Variants in IPO7 observed in about 807,000 individuals in gnomAD.
The protein encoded by IPO7 is importin 7, also known as importin-7.
A neutral mutation model predicts 136.4 loss-of-function variants in IPO7; 13 were observed. The ratio of observed to expected loss-of-function variants is 0.10; its 90% confidence interval spans 0.06 to 0.15. IPO7 has a LOEUF of 0.15. IPO7 is among the 10% of genes least tolerant of loss of function. The pLI, the probability that IPO7 is intolerant of heterozygous loss-of-function variation, is 1.00. For missense variants in IPO7, 857 were observed against 1,240.6 expected (o/e 0.69, Z 4.65); for synonymous variants, 403 against 404.4 (o/e 1.00, Z 0.04).
At chr11:9,425,608 GCTCACGC>G (rs1855192898) in intron 12 of IPO7, among the ~76,000 whole-genome samples, 2 of 152,084 alleles carry the variant, frequency 1.3e-5, no homozygotes, top group African/African-American at 4.8e-5. Flanking sequence ...GGGCGTGATG[GCTCACGC>G]CTGTAATCCC....
chr11:9,437,398 G>T (rs535561949), intron 20 of IPO7, among the ~76,000 whole-genome samples: 2 of 145,444 alleles, frequency 1.4e-5, no homozygotes, highest in African/African-American at 4.9e-5. Flanking sequence ...GGGACTACAG[G>T]CACCCGCCAC....
chr11:9,444,836 C>CAA (rs1044435694), intron 24 of IPO7, among the ~76,000 whole-genome samples: 80 of 70,938 alleles, frequency 1.1e-3, no homozygotes, highest in African/African-American at 2.5e-3. Context: ...GACTCTGTCT[C>CAA]AAAAAAAAAA....
Position 9,423,070 on chromosome 11 carries a change from A to G in IPO7, c.971A>G (p.Gln324Arg), listed in dbSNP as rs1855156769. ...TATATGGCTCCTCGAGTTTTACAACAGACATTAAATTATATTAATCAAGGA... is the reference window on the plus strand; with the variant it reads ...TATATGGCTCCTCGAGTTTTACAACGGACATTAAATTATATTAATCAAGGA... ...KQYMAPRVLQ[Q>R]TLNYINQGVS... Residue 324 changes from glutamine to arginine, a missense_variant, in exon 9 of 25, where the codon CAG (glutamine) becomes CGG (arginine). By Grantham distance (43) the Gln-to-Arg change is conservative. Around this residue, in one of 11 missense-constraint regions of IPO7, gnomAD observed 127 missense variants for 222.4 expected, o/e 0.57. Transcript: ENST00000379719. 1 of 1,596,326 alleles carries G rather than the reference A, an allele frequency of 6.3e-7. No homozygotes were observed. The highest frequency in any genetic ancestry group is 8.6e-7 in the Non-Finnish European group (1 of 1,165,266).
chr11:9,438,017 A>G (rs1376680221), intron 21 of IPO7, 43 bp downstream of exon 21: 2 of 1,561,378 alleles, frequency 1.3e-6, no homozygotes, highest in Non-Finnish European at 1.7e-6. Context: ...CTTTGGGAGG[A>G]ACTCTGCTTA....
intron 13 of IPO7, 57 bp downstream of exon 13, chr11:9,428,686 G>A (rs1855247808): frequency 1.1e-6 from 1 of 936,420 alleles, no homozygotes; most frequent in Admixed American, 1.8e-5. Flanking sequence ...ATGACTCTGT[G>A]GACTTTTATA....
At position 9,437,819 on chromosome 11, in the gene IPO7, T is replaced by C. The variant is rs1855401134; in HGVS notation, c.2334T>C (p.Leu778=). The C allele has an allele frequency of 6.2e-7, 1 of 1,614,018 alleles. No individual in the cohort carries two copies. Among genetic ancestry groups the C allele is most frequent in the African/African-American group, 1.3e-5 (1 of 74,946 alleles). Residue 778 remains leucine (L), a synonymous_variant, in exon 21 of 25, where the codon CTT becomes CTC. Transcript: ENST00000379719. ...CAAGAGAGGTTAAGACAAGTGAACT[T>C]CGAACTATGTGTCTGCAAGTTGCAA... is the stretch of plus-strand genomic sequence containing the variant. ...RLTREVKTSE[L]RTMCLQVAIA...
intron 1 of IPO7, among the ~76,000 whole-genome samples, chr11:9,398,390 G>C (rs996337970): frequency 6.6e-6 from 1 of 152,180 alleles, no homozygotes; most frequent in South Asian, 2.1e-4. Flanking sequence ...GGTTATGAGA[G>C]CAATAGGGAG....
intron 1 of IPO7, among the ~76,000 whole-genome samples, chr11:9,401,010 G>A (rs1163643488): frequency 2.0e-5 from 3 of 151,598 alleles, no homozygotes; most frequent in African/African-American, 4.8e-5. Context: ...GGCAAAACCC[G>A]TCTCTACTAA....
intron 4 of IPO7, among the ~76,000 whole-genome samples, chr11:9,413,043 C>A (rs1854990059): frequency 6.6e-6 from 1 of 151,922 alleles, no homozygotes; most frequent in African/African-American, 2.4e-5. Context: ...CCACGCCCAG[C>A]TAATTTTTTG....
Position 9,437,768 on chromosome 11 carries a change from C to T in IPO7, c.2283C>T (p.Phe761=), listed in dbSNP as rs375427361. Residue 761 remains phenylalanine, a synonymous_variant, in exon 21 of 25, where the codon TTC becomes TTT. Transcript: ENST00000379719. ...GRGIDQCIPL[F]VEAALERLTR... ...TTTTTTTGTAGTGCATTCCCTTATT[C>T]GTGGAAGCAGCCTTAGAAAGACTGA... The T allele has an allele frequency of 1.8e-5, 29 of 1,612,238 alleles. No homozygotes were observed. Among genetic ancestry groups the T allele is most frequent in the South Asian group, 3.3e-5 (3 of 90,980 alleles).
chr11:9,441,960 A>G (rs2133768035), intron 23 of IPO7, 121 bp from the exon 24 acceptor site: 1 of 509,870 alleles, frequency 2.0e-6, no homozygotes, highest in Non-Finnish European at 3.6e-6. Context: ...TTATTGGGAG[A>G]ATATAAAATA....
intron 4 of IPO7, among the ~76,000 whole-genome samples, chr11:9,413,326 A>C (rs1002424476): frequency 1.3e-4 from 20 of 152,102 alleles, no homozygotes; most frequent in African/African-American, 4.8e-4. Flanking sequence ...AGAAGAACTT[A>C]CGGTTTATGA....
chr11:9,407,279 A>G (rs1288016219), intron 2 of IPO7, among the ~76,000 whole-genome samples: 2 of 151,984 alleles, frequency 1.3e-5, no homozygotes, highest in African/African-American at 4.8e-5. Flanking sequence ...AGTTTATTTT[A>G]AAACCTTGGC....
At chr11:9,426,308 G>A (rs1444904228) in intron 12 of IPO7, among the ~76,000 whole-genome samples, 1 of 152,100 alleles carries the variant, frequency 6.6e-6, no homozygotes, top group Non-Finnish European at 1.5e-5. Flanking sequence ...CTTTCATTTA[G>A]TGTAATGTTT....
chr11:9,433,303 AGTT>A (rs985602262), intron 16 of IPO7: 27 of 419,812 alleles, frequency 6.4e-5, no homozygotes, highest in African/African-American at 3.6e-4. Flanking sequence ...TTATTTTCAT[AGTT>A]GTTTGCATTT....
At chr11:9,443,499 G>C (rs1855486194) in intron 24 of IPO7, among the ~76,000 whole-genome samples, 1 of 151,484 alleles carries the variant, frequency 6.6e-6, no homozygotes, top group East Asian at 1.9e-4. Context: ...GCTGAGGCAG[G>C]AGAATTGCTT....
At chr11:9,398,105 C>T (rs1486486680) in intron 1 of IPO7, among the ~76,000 whole-genome samples, 2 of 152,168 alleles carry the variant, frequency 1.3e-5, no homozygotes, top group African/African-American at 2.4e-5. Context: ...CCTTTGGGCT[C>T]ATCTGTCTGT....
chr11:9,443,252 A>T (rs940875557), intron 24 of IPO7, among the ~76,000 whole-genome samples: 9 of 151,868 alleles, frequency 5.9e-5, no homozygotes, highest in Non-Finnish European at 1.0e-4. Flanking sequence ...GTTTGCAATA[A>T]CTTTAGCTCA....
rs77951189 is a variant in IPO7, at chr11:9,430,157, G to T, written c.1752+323G>T. Among the ~76,000 whole-genome samples, 1,309 of 152,206 alleles carry T rather than the reference G, an allele frequency of 8.6e-3. 5 individuals carry two copies. Among genetic ancestry groups the T allele is most frequent in the Middle Eastern group, 0.031 (9 of 294 alleles). ...CTCACTCACCTACCACTTATCTACT[G>T]CTCCTAACAGGCCATGGACCGGTAC... On this transcript the variant is annotated intron_variant, in intron 15 of 24. Coordinates refer to ENST00000379719, the MANE Select transcript of IPO7 (RefSeq NM_006391.3).
Sources: gnomAD v4.1 joint callset for allele counts (sites outside exome capture counted in the v4.1 genomes callset) on GRCh38, gnomAD v4.1.1 for gene constraint, gnomAD v4.1.1 regional missense constraint, MANE v1.5 for transcripts, NCBI Gene and HGNC (gene_info 2026-07-23, HGNC 2026-07-21) for gene names.